The following FAT3 variants were observed in gnomAD, a reference collection of about 807,000 sequenced individuals.
FAT3 encodes protocadherin Fat 3.
FAT3 carries 95 observed loss-of-function variants against 310.2 expected under a neutral mutation model. The ratio of observed to expected loss-of-function variants is 0.31; its 90% CI spans 0.26 to 0.36. The LOEUF (loss-of-function observed/expected upper bound fraction) is 0.36. Among genes scored for constraint, FAT3 ranks in the 10% least tolerant of loss-of-function variants. The pLI is 1.00. For missense variants in FAT3, 5,408 were observed against 5,715.6 expected (o/e 0.95, Z 1.74); for synonymous variants, 2,314 against 2,192.9 (o/e 1.06, Z -1.54).
chr11:92,475,984 G>A (rs1952041540), intron 2 of FAT3, among the ~76,000 whole-genome samples: 1 of 152,110 alleles, frequency 6.6e-6, no homozygotes. Context: ...TGATTTATGA[G>A]ACAGCTCAAG....
intron 2 of FAT3, among the ~76,000 whole-genome samples, chr11:92,374,555 C>G (rs969862445): frequency 2.0e-5 from 3 of 152,148 alleles, no homozygotes; most frequent in Non-Finnish European, 4.4e-5. Flanking sequence ...ACTCTGATAA[C>G]TACTCTTTGT....
In FAT3 at chr11:92,883,029, A is replaced by T. The variant is rs1281395364; in HGVS notation, c.12573A>T (p.Leu4191=). The part of the protein sequence containing the change: ...RKNYSRNNIT[L]VQDPATAALL... ...ACTACTCCCGCAACAACATCACGCT[A>T]GTGCAGGACCCGGCCACCGCCGCCC... The change falls in exon 24 of 28, where the codon CTA becomes CTT. Residue 4191 remains leucine, a synonymous_variant. Coordinates refer to ENST00000525166, the MANE Select transcript of FAT3 (RefSeq NM_001367949.2). This position sits in a 1 kb window ranked among gnomAD's most constrained non-coding sequence, Gnocchi z 4.2. 1.2e-6 allele frequency: 2 copies of T among 1,613,948 alleles called. No individual in the cohort carries two copies. Among genetic ancestry groups the T allele is most frequent in the Non-Finnish European group, 1.7e-6 (2 of 1,179,902 alleles).
Position 92,671,316 on chromosome 11 carries a change from T to C in FAT3, c.3608-26068T>C, listed in dbSNP as rs573322102. 1.3e-3 allele frequency among the ~76,000 whole-genome samples: 202 copies of C among 152,266 alleles called. No individual in the cohort carries two copies. The Middle Eastern group carries it at 0.037, about 28-fold the overall frequency. On this transcript the variant is annotated intron_variant, in intron 3 of 27. Transcript: ENST00000525166. ...CACTCAGTCTCTCAAAGTGCTGGAA[T>C]TACAGGTGTGTTGACTCACACTTTG...
chr11:92,228,432 C>T (rs565122963), intron 1 of FAT3, among the ~76,000 whole-genome samples: 69 of 152,246 alleles, frequency 4.5e-4, no homozygotes, highest in African/African-American at 1.4e-3. Flanking sequence ...GTATGCTATA[C>T]GGTTATTTTG....
At chr11:92,811,320 T>C (rs1478795270) in intron 13 of FAT3, among the ~76,000 whole-genome samples, 1 of 152,166 alleles carries the variant, frequency 6.6e-6, no homozygotes, top group Admixed American at 6.5e-5. Context: ...TCATTTTAAA[T>C]TTGATTTTGA....
chr11:92,658,625 T>G (rs977442533), intron 3 of FAT3, among the ~76,000 whole-genome samples: 2 of 152,202 alleles, frequency 1.3e-5, no homozygotes, highest in African/African-American at 4.8e-5. Context: ...GCTGCCTCCC[T>G]AGAGGCTGCT....
intron 3 of FAT3, among the ~76,000 whole-genome samples, chr11:92,573,840 GA>G (rs778480252): frequency 1.3e-5 from 2 of 151,702 alleles, no homozygotes; most frequent in Non-Finnish European, 2.9e-5. Flanking sequence ...AGAACTGTGA[GA>G]AAAAAAATGT....
intron 2 of FAT3, among the ~76,000 whole-genome samples, chr11:92,388,909 T>G (rs941121567): frequency 6.6e-6 from 1 of 152,176 alleles, no homozygotes; most frequent in Non-Finnish European, 1.5e-5. Flanking sequence ...GAACTGGACT[T>G]TCTTTCCATT....
intron 1 of FAT3, among the ~76,000 whole-genome samples, chr11:92,233,166 G>A (rs1460872163): frequency 6.6e-6 from 1 of 152,160 alleles, no homozygotes; most frequent in Admixed American, 6.5e-5. Flanking sequence ...GAGAAACATG[G>A]TTCAGTTAGT....
chr11:92,500,734 G>A (rs1952913937), intron 2 of FAT3, among the ~76,000 whole-genome samples: 1 of 152,014 alleles, frequency 6.6e-6, no homozygotes, highest in South Asian at 2.1e-4. Context: ...TCCTATTAGA[G>A]TTGTGGAAAA....
At chr11:92,380,612 C>G (rs1949473281) in intron 2 of FAT3, among the ~76,000 whole-genome samples, 1 of 152,170 alleles carries the variant, frequency 6.6e-6, no homozygotes, top group Non-Finnish European at 1.5e-5. Context: ...TGAGGCAAAT[C>G]ATTTCCCCTC....
chr11:92,780,641 G>A (rs1255880159), intron 7 of FAT3, among the ~76,000 whole-genome samples: 1 of 152,116 alleles, frequency 6.6e-6, no homozygotes, highest in Admixed American at 6.6e-5. Flanking sequence ...TTAAAAGCAA[G>A]ATGAAAATTT....
intron 2 of FAT3, among the ~76,000 whole-genome samples, chr11:92,358,980 A>G (rs185284324): frequency 6.6e-6 from 1 of 152,302 alleles, no homozygotes; most frequent in Admixed American, 6.5e-5. Context: ...GACAAAGATT[A>G]CCCAAGTGTT....
At chr11:92,849,476 G>A (rs913264719) in intron 19 of FAT3, among the ~76,000 whole-genome samples, 3 of 152,110 alleles carry the variant, frequency 2.0e-5, no homozygotes, top group Non-Finnish European at 4.4e-5. Context: ...ACCCAACCTG[G>A]CTAACCCTGC....
chr11:92,325,429 G>T (rs1232297504), intron 1 of FAT3, among the ~76,000 whole-genome samples: 1 of 152,062 alleles, frequency 6.6e-6, no homozygotes, highest in Non-Finnish European at 1.5e-5. Flanking sequence ...GTTGTTGTTT[G>T]TTTTTTGTTT....
At chr11:92,735,995 A>C (rs2136012464) in intron 4 of FAT3, among the ~76,000 whole-genome samples, 1 of 152,292 alleles carries the variant, frequency 6.6e-6, no homozygotes, top group South Asian at 2.1e-4. Flanking sequence ...ACAGCTCAGA[A>C]GCAGTGGAAA....
At chr11:92,253,455 T>C (rs533013984) in intron 1 of FAT3, among the ~76,000 whole-genome samples, 2 of 152,216 alleles carry the variant, frequency 1.3e-5, no homozygotes, top group East Asian at 3.9e-4. Flanking sequence ...CTTGGCATAA[T>C]TAGTCATGTA....
rs1223803690 is a variant in FAT3 at position 92,765,064 on chromosome 11, C to T, written c.4170C>T (p.Asn1390=). ...GGGTGGTGTCTGTGCAGCCAGCTAA[C>T]ACCCCTCTGTGGTTTGACATAGTTG... ...IVGVVSVQPA[N]TPLWFDIVGG... Residue 1390 remains asparagine, a synonymous_variant, in exon 6 of 28, where the codon AAC becomes AAT. Transcript: ENST00000525166. The T allele has an allele frequency of 1.9e-6, 3 of 1,612,980 alleles. No homozygotes were observed. The highest frequency in any genetic ancestry group is 2.5e-6 in the Non-Finnish European group (3 of 1,179,722).
intron 1 of FAT3, among the ~76,000 whole-genome samples, chr11:92,315,541 A>AGAGT (rs1947435484): frequency 6.8e-6 from 1 of 146,050 alleles, no homozygotes; most frequent in South Asian, 2.2e-4. Context: ...AGAGAGAGAG[A>AGAGT]GAGAGAGAGA....
Sources: allele counts gnomAD v4.1 joint callset (sites outside exome capture counted in the v4.1 genomes callset), GRCh38; gene constraint gnomAD v4.1.1; non-coding constraint Gnocchi (gnomAD v3.1); transcripts MANE v1.5; gene names NCBI Gene and HGNC (gene_info 2026-07-23, HGNC 2026-07-21).